Variants in NAV2 observed in about 807,000 individuals in gnomAD.
NAV2 encodes neuron navigator 2, also known as helicase, APC down-regulated 1.
Under a neutral mutation model 223.2 loss-of-function variants are expected in NAV2, and 54 were observed. The ratio of observed to expected loss-of-function variants is 0.24; its 90% CI spans 0.19 to 0.30. The LOEUF (loss-of-function observed/expected upper bound fraction) is 0.30, where lower values mean the gene tolerates loss of function less well. NAV2 is among the 10% of genes least tolerant of loss of function. NAV2 has a pLI of 1.00. For synonymous variants in NAV2, 1,279 were observed against 1,239.3 expected (o/e 1.03, Z -0.67); for missense variants, 2,806 against 3,147.5 (o/e 0.89, Z 2.60).
chr11:19,774,044 T>G (rs2055933229), intron 1 of NAV2, among the ~76,000 whole-genome samples: 1 of 152,106 alleles, frequency 6.6e-6, no homozygotes, highest in Non-Finnish European at 1.5e-5. Flanking sequence ...GCCATGAACT[T>G]TCACCCCTCT....
chr11:19,802,376 C>CT (rs1307103783), intron 1 of NAV2, among the ~76,000 whole-genome samples: 2 of 152,048 alleles, frequency 1.3e-5, no homozygotes, highest in African/African-American at 2.4e-5. Context: ...CGCCTGTGCT[C>CT]TTTTTTCTAA....
At chr11:19,910,012 C>T (rs1256497999) in intron 6 of NAV2, among the ~76,000 whole-genome samples, 1 of 152,054 alleles carries the variant, frequency 6.6e-6, no homozygotes, top group Non-Finnish European at 1.5e-5. Flanking sequence ...CACTGCCCAT[C>T]GTGGGGTGAT....
chr11:20,106,155 G>GTGTGTGTATA (rs369895690), intron 35 of NAV2, among the ~76,000 whole-genome samples: 2 of 31,494 alleles, frequency 6.4e-5, no homozygotes, highest in African/African-American at 1.3e-4. Context: ...GTGTGTGTGT[G>GTGTGTGTATA]TATATATATA....
chr11:19,601,547 G>T (rs557337762), intron 1 of NAV2, among the ~76,000 whole-genome samples: 1 of 152,056 alleles, frequency 6.6e-6, no homozygotes, highest in Non-Finnish European at 1.5e-5. Context: ...TATCCATTGT[G>T]GTCCCAGACA....
chr11:19,749,929 T>G (rs1399902761), intron 1 of NAV2, among the ~76,000 whole-genome samples: 1 of 152,266 alleles, frequency 6.6e-6, no homozygotes, highest in Non-Finnish European at 1.5e-5. Flanking sequence ...TTGTTTCTGC[T>G]GGTGGGCCAT....
At chr11:19,480,480 C>T (rs2042244865) in intron 1 of NAV2, among the ~76,000 whole-genome samples, 1 of 152,114 alleles carries the variant, frequency 6.6e-6, no homozygotes, top group Non-Finnish European at 1.5e-5. Context: ...GGATGGATGC[C>T]CCTTCTCCTG....
chr11:19,661,149 T>C (rs2048271476), intron 1 of NAV2, among the ~76,000 whole-genome samples: 1 of 152,182 alleles, frequency 6.6e-6, no homozygotes, highest in Non-Finnish European at 1.5e-5. Flanking sequence ...GCTTTCTGTC[T>C]GTATGAATTT....
intron 6 of NAV2, among the ~76,000 whole-genome samples, chr11:19,908,852 A>C (rs1429493048): frequency 6.6e-6 from 1 of 152,130 alleles, no homozygotes; most frequent in African/African-American, 2.4e-5. Context: ...TGTGGTTGCT[A>C]GGGCTGTGGG....
At chr11:19,999,349 C>T (rs1381736215) in intron 11 of NAV2, among the ~76,000 whole-genome samples, 5 of 152,196 alleles carry the variant, frequency 3.3e-5, no homozygotes, top group South Asian at 4.1e-4. Flanking sequence ...TGGTTTAACC[C>T]AGTCTATTAT....
chr11:19,740,789 A>G (rs979665142), intron 1 of NAV2, among the ~76,000 whole-genome samples: 3 of 152,182 alleles, frequency 2.0e-5, no homozygotes, highest in African/African-American at 4.8e-5. Flanking sequence ...AGTCCTCACA[A>G]AAAGCCTATA....
At chr11:19,969,677 T>G (rs968559494) in intron 10 of NAV2, among the ~76,000 whole-genome samples, 1 of 152,136 alleles carries the variant, frequency 6.6e-6, no homozygotes, top group Non-Finnish European at 1.5e-5. Flanking sequence ...GCGCAGTGGC[T>G]CACACCTGTA....
intron 31 of NAV2, among the ~76,000 whole-genome samples, chr11:20,099,308 G>C (rs753944266): frequency 6.6e-6 from 1 of 152,040 alleles, no homozygotes; most frequent in Admixed American, 6.6e-5. Context: ...TTTAAGGAGA[G>C]CCTTTTATGT....
rs74468429 is a variant in NAV2, at chr11:19,677,380, C to T, written c.76-155104C>T. 3.9e-5 allele frequency among the ~76,000 whole-genome samples: 6 copies of T among 152,340 alleles called. No homozygotes were observed. In the East Asian group the frequency reaches 1.2e-3, roughly 29 times the overall value. On this transcript the variant is annotated intron_variant, in intron 1 of 37. Transcript: ENST00000360655. ...AGAAAGGCAGTGAGGTGGGCAAAGG[C>T]AGCACCTGGCCATGGTCTGGGTGCC... is the stretch of plus-strand genomic sequence containing the variant.
At position 20,114,766 on chromosome 11, in the gene NAV2, C is replaced by G. The variant is rs763310603; in HGVS notation, c.7135C>G (p.Pro2379Ala). Residue 2379 changes from proline to alanine, a missense_variant, in exon 37 of 38, where the codon CCC (proline) becomes GCC (alanine). Pro to Ala is a conservative substitution (Grantham distance 27). Coordinates refer to ENST00000349880, the MANE Select transcript of NAV2 (RefSeq NM_145117.5). ...GGAGGGATCGACAAGCAAGCAGATG[C>G]CCCCCAGTGATGCTGAAGGTGACCC... ...PREGSTSKQM[P>A]PSDAEGDPLM... is the part of the protein sequence containing the mutation. 6.2e-7 allele frequency: 1 copy of G among 1,613,556 alleles called. No homozygotes were observed.
At chr11:19,426,768 G>A (rs1227191718) in intron 1 of NAV2, among the ~76,000 whole-genome samples, 2 of 152,024 alleles carry the variant, frequency 1.3e-5, no homozygotes, top group African/African-American at 4.8e-5. Context: ...GTTTTGGCAG[G>A]AAAATTTATG....
intron 1 of NAV2, among the ~76,000 whole-genome samples, chr11:19,644,933 G>A (rs1417101863): frequency 2.6e-5 from 4 of 152,216 alleles, no homozygotes; most frequent in Non-Finnish European, 5.9e-5. Context: ...GTTGCCTGGA[G>A]CATTGTATTG....
At chr11:19,349,038 TA>T (rs1853147857), upstream of NAV2, among the ~76,000 whole-genome samples, 2 of 151,914 alleles carry the variant, frequency 1.3e-5, no homozygotes, top group Non-Finnish European at 2.9e-5. Context: ...AAAAAGCGAG[TA>T]TCTACTTTTT....
At chr11:19,852,979 C>G (rs1275276829) in intron 3 of NAV2, among the ~76,000 whole-genome samples, 1 of 152,174 alleles carries the variant, frequency 6.6e-6, no homozygotes, top group Non-Finnish European at 1.5e-5. Flanking sequence ...TAACTCAGTT[C>G]TAAAGGTATA....
At chr11:19,817,162 A>G (rs1434513564) in intron 1 of NAV2, among the ~76,000 whole-genome samples, 6 of 152,176 alleles carry the variant, frequency 3.9e-5, no homozygotes, top group Non-Finnish European at 8.8e-5. Context: ...TTAATAAGCA[A>G]TGTACACCTT....
Sources: allele counts gnomAD v4.1 joint callset (sites outside exome capture counted in the v4.1 genomes callset), GRCh38; gene constraint gnomAD v4.1.1; transcripts MANE v1.5; gene names NCBI Gene and HGNC (gene_info 2026-07-23, HGNC 2026-07-21).